The following DIAPH2 variants were observed in gnomAD, a reference collection of about 807,000 sequenced individuals.
DIAPH2 encodes the protein protein diaphanous homolog 2.
Under a neutral mutation model 92.7 loss-of-function variants are expected in DIAPH2, and 35 were observed. The observed-to-expected ratio is 0.38, with a 90% CI of 0.29 to 0.50. The LOEUF is 0.50. DIAPH2 is among the 20% of genes least tolerant of loss of function. The probability of loss-of-function intolerance (pLI) is 0.94; values close to 1 mark genes in which losing one functional copy is unlikely to be tolerated. For synonymous variants in DIAPH2, 301 were observed against 280.4 expected (o/e 1.07, Z -0.73); for missense variants, 701 against 819.5 (o/e 0.86, Z 1.77).
intron 4 of DIAPH2, among the ~76,000 whole-genome samples, chrX:96,866,349 A>G (rs1437834556): frequency 8.9e-6 from 1 of 111,994 alleles, no homozygotes; most frequent in Non-Finnish European, 1.9e-5. Flanking sequence ...CCTAAGGAAT[A>G]TTCAGGTTTT....
chrX:97,052,917 A>G (rs746760608), intron 17 of DIAPH2, among the ~76,000 whole-genome samples: 38 of 110,786 alleles, frequency 3.4e-4, no homozygotes, highest in Admixed American at 4.8e-4. Context: ...TTTTTTTTAA[A>G]GACTCTTGAG....
chrX:97,224,935 C>G (rs1390257904), intron 22 of DIAPH2, among the ~76,000 whole-genome samples: 1 of 111,261 alleles, frequency 9.0e-6, no homozygotes, highest in East Asian at 2.8e-4. Flanking sequence ...GCCCAAGGCA[C>G]TCTGACTGTT....
At chrX:96,930,590 T>C in intron 9 of DIAPH2, 143 bp from the exon 10 acceptor site, 2 of 409,129 alleles carry the variant, frequency 4.9e-6, no homozygotes, top group South Asian at 9.9e-5. Flanking sequence ...ATAATTAAAG[T>C]CATAATCATT....
intron 26 of DIAPH2, among the ~76,000 whole-genome samples, chrX:97,540,879 T>A: frequency 8.9e-6 from 1 of 111,875 alleles, no homozygotes; most frequent in Non-Finnish European, 1.9e-5. Flanking sequence ...AATCATCAGT[T>A]ATAGATAGTT....
chrX:97,066,285 A>G (rs1162982218), intron 17 of DIAPH2, among the ~76,000 whole-genome samples: 1 of 112,028 alleles, frequency 8.9e-6, no homozygotes, highest in Non-Finnish European at 1.9e-5. Context: ...TCATAATTTT[A>G]CTGTACCATT....
intron 17 of DIAPH2, among the ~76,000 whole-genome samples, chrX:96,986,113 G>A (rs139435508): frequency 8.5e-4 from 94 of 110,987 alleles, no homozygotes; most frequent in African/African-American, 2.9e-3. Context: ...AAATCATACT[G>A]TGTCACTTTT....
At chrX:96,727,281 C>T (rs185718664) in intron 1 of DIAPH2, among the ~76,000 whole-genome samples, 1 of 112,190 alleles carries the variant, frequency 8.9e-6, no homozygotes, top group East Asian at 2.8e-4. Context: ...AGATTGTACA[C>T]GTGTGCCAAC....
At chrX:96,965,415 A>G (rs1011619598) in intron 17 of DIAPH2, among the ~76,000 whole-genome samples, 1 of 111,844 alleles carries the variant, frequency 8.9e-6, no homozygotes, top group African/African-American at 3.2e-5. Flanking sequence ...CATAAATGTT[A>G]TTATTCTTCT....
At chrX:96,810,712 A>T (rs2064671928) in intron 4 of DIAPH2, among the ~76,000 whole-genome samples, 1 of 111,187 alleles carries the variant, frequency 9.0e-6, no homozygotes, top group Non-Finnish European at 1.9e-5. Context: ...GTAAGGGGGG[A>T]ATCCAGTTTC....
chrX:97,415,772 C>T (rs5920918), intron 25 of DIAPH2, among the ~76,000 whole-genome samples: 3,018 of 110,301 alleles, frequency 0.027, 35 homozygotes, highest in Middle Eastern at 0.041. Flanking sequence ...TTAATGGATG[C>T]AGCAAACCAA....
At chrX:96,892,616 T>C (rs1466265581) in intron 5 of DIAPH2, among the ~76,000 whole-genome samples, 1 of 111,875 alleles carries the variant, frequency 8.9e-6, no homozygotes, top group Non-Finnish European at 1.9e-5. Flanking sequence ...GCACATGCAA[T>C]GATATTACCT....
intron 22 of DIAPH2, among the ~76,000 whole-genome samples, chrX:97,235,847 C>A (rs1247925270): frequency 9.0e-6 from 1 of 110,605 alleles, no homozygotes; most frequent in Non-Finnish European, 1.9e-5. Flanking sequence ...TCAAGACTTG[C>A]TTTATTTAGG....
intron 17 of DIAPH2, among the ~76,000 whole-genome samples, chrX:97,036,416 A>C (rs756562833): frequency 8.9e-6 from 1 of 112,390 alleles, no homozygotes; most frequent in Admixed American, 9.4e-5. Flanking sequence ...ATAACAGCTT[A>C]AGTGGTTTAT....
chrX:97,288,028 T>G (rs1401539247), intron 23 of DIAPH2, among the ~76,000 whole-genome samples: 3 of 108,517 alleles, frequency 2.8e-5, no homozygotes, highest in African/African-American at 1.0e-4. Context: ...GAGGAAGACT[T>G]AAAAGCAAAT....
Position 96,689,826 on chromosome X carries a change from A to AT in DIAPH2, c.132+4640dup, listed in dbSNP as rs756405213. ...TAAACTGCCTCTGGGAATGGGTCCC[A>AT]TTTTATGTCTATTCTTGAAAACCTG... On this transcript the variant is annotated intron_variant, in intron 1 of 26. Coordinates refer to ENST00000324765, the MANE Select transcript of DIAPH2 (RefSeq NM_006729.5). Among the ~76,000 whole-genome samples, 5 of 111,183 alleles carry AT rather than the reference A, an allele frequency of 4.5e-5. No individual in the cohort carries two copies. The East Asian group carries it at 1.4e-3, about 31-fold the overall frequency.
chrX:96,823,615 A>G (rs1253047184), intron 4 of DIAPH2, among the ~76,000 whole-genome samples: 1 of 111,060 alleles, frequency 9.0e-6, no homozygotes, highest in Non-Finnish European at 1.9e-5. Flanking sequence ...ATTTTTAACA[A>G]TGAACTTGTA....
At chrX:97,107,785 G>C (rs1229874498) in intron 20 of DIAPH2, among the ~76,000 whole-genome samples, 1 of 111,978 alleles carries the variant, frequency 8.9e-6, no homozygotes, top group African/African-American at 3.2e-5. Flanking sequence ...ATATATATTT[G>C]TTACAAATTT....
intron 24 of DIAPH2, among the ~76,000 whole-genome samples, chrX:97,381,605 A>G (rs1391451468): frequency 1.8e-5 from 2 of 111,442 alleles, no homozygotes; most frequent in East Asian, 2.8e-4. Flanking sequence ...TTATCTGGCA[A>G]CTCTATTTGG....
At chrX:97,256,031 C>A (rs747381228) in intron 23 of DIAPH2, among the ~76,000 whole-genome samples, 104 of 112,225 alleles carry the variant, frequency 9.3e-4, no homozygotes, top group African/African-American at 3.3e-3. Context: ...TCTGGGAAAT[C>A]ATCTTTTTCA....
Sources: gnomAD v4.1 joint callset for allele counts (sites outside exome capture counted in the v4.1 genomes callset) on GRCh38, gnomAD v4.1.1 for gene constraint, MANE v1.5 for transcripts, NCBI Gene and HGNC (gene_info 2026-07-23, HGNC 2026-07-21) for gene names.